The following ARMC9 variants were observed in gnomAD, a reference collection of about 807,000 sequenced individuals.
The protein encoded by ARMC9 is armadillo repeat containing 9.
A neutral mutation model predicts 107.0 loss-of-function variants in ARMC9; 94 were observed. The observed-to-expected ratio is 0.88, with a 90% CI of 0.74 to 1.04. ARMC9 has a LOEUF of 1.04. Among genes scored for constraint, ARMC9 ranks in the 50% least tolerant of loss-of-function variants. ARMC9 has a pLI of 0.00. For synonymous variants in ARMC9, 380 were observed against 396.9 expected (o/e 0.96, Z 0.51); for missense variants, 942 against 1,030.1 (o/e 0.91, Z 1.17).
chr2:231,339,646 A>G (rs1476864566), intron 20 of ARMC9, among the ~76,000 whole-genome samples: 1 of 152,210 alleles, frequency 6.6e-6, no homozygotes, highest in Non-Finnish European at 1.5e-5. Flanking sequence ...AGTTTCTTCC[A>G]TAAAAACACT....
chr2:231,275,625 G>A (rs1017191096), intron 14 of ARMC9, among the ~76,000 whole-genome samples: 1 of 152,170 alleles, frequency 6.6e-6, no homozygotes, highest in East Asian at 1.9e-4. Context: ...ACAGCTCAGA[G>A]TGCCTAGAGC....
At chr2:231,262,460 A>T in intron 12 of ARMC9, 62 bp downstream of exon 12, 1 of 1,403,738 alleles carries the variant, frequency 7.1e-7, no homozygotes. Context: ...TGATCTTAGC[A>T]GATGGGGGAA....
At chr2:231,355,040 C>G (rs1186634507) in intron 21 of ARMC9, among the ~76,000 whole-genome samples, 3 of 152,150 alleles carry the variant, frequency 2.0e-5, no homozygotes, top group Non-Finnish European at 2.9e-5. Flanking sequence ...GGTAGTGTTA[C>G]AAGAAAGTAA....
rs1425305439 is a variant in ARMC9, at chr2:231,359,352, G to T, written c.2132-1402G>T. 2.0e-5 allele frequency among the ~76,000 whole-genome samples: 3 copies of T among 151,682 alleles called. No homozygotes were observed. In the East Asian group the frequency reaches 5.8e-4, roughly 29 times the overall value. ...TCTGCCTGCCCCAGCCTCCCAAAGT[G>T]GTGGGATTACAGGCGTGAGCCACCG... On this transcript the variant is annotated intron_variant, in intron 22 of 24. Coordinates refer to ENST00000611582, the MANE Select transcript of ARMC9 (RefSeq NM_001352754.2).
chr2:231,271,098 A>T, intron 13 of ARMC9, 26 bp downstream of exon 13: 1 of 1,609,766 alleles, frequency 6.2e-7, no homozygotes, highest in Non-Finnish European at 8.5e-7. Context: ...TGCTTCAAAG[A>T]TAAGAGCTAG....
chr2:231,275,819 G>C (rs2125441911), intron 14 of ARMC9, among the ~76,000 whole-genome samples: 1 of 152,328 alleles, frequency 6.6e-6, no homozygotes, highest in South Asian at 2.1e-4. Flanking sequence ...TGGGTGTGGT[G>C]GCGCATGCCT....
At position 231,331,552 on chromosome 2, in the gene ARMC9, G is replaced by A. The variant is rs1669082; in HGVS notation, c.1774-241G>A. Among the ~76,000 whole-genome samples, 50,220 of 152,002 alleles carry A rather than the reference G, an allele frequency of 0.33. 8,440 individuals are homozygous for A. The highest frequency in any genetic ancestry group is 0.38 in the Middle Eastern group (113 of 294). ...TCTGGAACCTCCGCACAACTAAGCA[G>A]TGGAGGCTCCCTAGCTCCCTAGCTT... On this transcript the variant is annotated intron_variant, in intron 19 of 24. Coordinates refer to ENST00000611582, the MANE Select transcript of ARMC9 (RefSeq NM_001352754.2).
intron 6 of ARMC9, among the ~76,000 whole-genome samples, chr2:231,224,057 G>C (rs2034416080): frequency 6.6e-6 from 1 of 152,044 alleles, no homozygotes; most frequent in African/African-American, 2.4e-5. Context: ...GAGTAGCTCA[G>C]CTTAATAATT....
At chr2:231,262,535 C>T in intron 12 of ARMC9, 137 bp downstream of exon 12, 5 of 829,226 alleles carry the variant, frequency 6.0e-6, no homozygotes, top group Non-Finnish European at 9.7e-6. Flanking sequence ...TCATGAGGTT[C>T]TGGGCATTGG....
intron 11 of ARMC9, among the ~76,000 whole-genome samples, chr2:231,259,869 G>A (rs149270827): frequency 0.027 from 4,108 of 152,128 alleles, 193 homozygotes; most frequent in African/African-American, 0.095. Context: ...GAGGGCAGGC[G>A]CCTGTAGTCC....
chr2:231,337,469 G>GTTTT (rs1172469791), intron 20 of ARMC9, among the ~76,000 whole-genome samples: 3 of 99,536 alleles, frequency 3.0e-5, no homozygotes, highest in Non-Finnish European at 6.0e-5. Context: ...GCTAATTTTT[G>GTTTT]TTTTTTTTTT....
intron 12 of ARMC9, chr2:231,270,726 T>G (rs1204279705): frequency 1.6e-6 from 1 of 616,446 alleles, no homozygotes; most frequent in Non-Finnish European, 3.1e-6. Flanking sequence ...ACTGCTTCCC[T>G]CGCGCCAGTC....
intron 5 of ARMC9, among the ~76,000 whole-genome samples, chr2:231,220,160 A>G (rs2033964410): frequency 1.3e-5 from 2 of 152,126 alleles, no homozygotes; most frequent in African/African-American, 2.4e-5. Flanking sequence ...AGCTATGTTT[A>G]GTCTGTTCTT....
chr2:231,365,681 G>GGGAACCAGCCGCACACACAGCAGATA (rs1559508693), intron 23 of ARMC9, among the ~76,000 whole-genome samples: 1 of 139,448 alleles, frequency 7.2e-6, no homozygotes, highest in African/African-American at 2.7e-5. Context: ...CACAGCAGAT[G>GGGAACCAGCCGCACACACAGCAGATA]GGAACCAGCC....
chr2:231,203,700 C>T (rs1381222847), intron 1 of ARMC9, among the ~76,000 whole-genome samples: 1 of 152,192 alleles, frequency 6.6e-6, no homozygotes, highest in Non-Finnish European at 1.5e-5. Context: ...TGGCTCATGC[C>T]TGTAATCCCA....
At chr2:231,272,918 C>G in intron 13 of ARMC9, 37 bp from the exon 14 acceptor site, 1 of 1,601,140 alleles carries the variant, frequency 6.2e-7, no homozygotes, top group Non-Finnish European at 8.5e-7. Flanking sequence ...TAAATTATTT[C>G]TGTCTTTCAC....
At position 231,258,847 on chromosome 2, in the gene ARMC9, C is replaced by G. The variant is rs2038079262; in HGVS notation, c.915-144C>G. 17 of 697,116 alleles carry G rather than the reference C, an allele frequency of 2.4e-5. No individual in the cohort carries two copies. The South Asian group carries it at 3.2e-4, about 13-fold the overall frequency. The allele number at this position is 697,116 out of a possible 1,614,324, so 43.2% of individuals were successfully genotyped here. On this transcript the variant is annotated intron_variant, in intron 10 of 24. Transcript: ENST00000611582. ...CTGAGGTAGGAGCCTAGAACCCAGC[C>G]CGCCCTCCAAGTGGAAGCCGGGAGG...
At chr2:231,232,185 C>T (rs929884351) in intron 7 of ARMC9, among the ~76,000 whole-genome samples, 5 of 151,620 alleles carry the variant, frequency 3.3e-5, no homozygotes, top group Admixed American at 3.3e-4. Context: ...GCCACCACGC[C>T]CGGCTAATTT....
At chr2:231,237,781 A>ATTTTTTTT (rs142285288) in intron 8 of ARMC9, among the ~76,000 whole-genome samples, 1 of 26,964 alleles carries the variant, frequency 3.7e-5, no homozygotes, top group Non-Finnish European at 7.1e-5. Flanking sequence ...ATATATATAT[A>ATTTTTTTT]TTTTTTTTTT....
Sources: gnomAD v4.1 joint callset for allele counts (sites outside exome capture counted in the v4.1 genomes callset) on GRCh38, gnomAD v4.1.1 for gene constraint, MANE v1.5 for transcripts, NCBI Gene and HGNC (gene_info 2026-07-23, HGNC 2026-07-21) for gene names.